MSH3: variants seen among roughly 807,000 people sequenced by gnomAD.
The protein encoded by MSH3 is mutS homolog 3.
Under a neutral mutation model 123.3 loss-of-function variants are expected in MSH3, and 106 were observed. The observed-to-expected ratio is 0.86, with a 90% CI of 0.73 to 1.01. MSH3 has a LOEUF of 1.01. Ranked by LOEUF, MSH3 falls within the 50% of genes least tolerant of loss-of-function variation. MSH3 has a pLI of 0.00. For missense variants in MSH3, 1,459 were observed against 1,347.6 expected (o/e 1.08, Z -1.29); for synonymous variants, 515 against 481.4 (o/e 1.07, Z -0.91).
Position 80,702,352 on chromosome 5 carries a change from GA to G in MSH3, c.1341-23099del, listed in dbSNP as rs141773890. 7.5e-3 allele frequency among the ~76,000 whole-genome samples: 1,147 copies of G among 152,300 alleles called. 16 individuals are homozygous for G. Among genetic ancestry groups the G allele is most frequent in the African/African-American group, 0.025 (1,044 of 41,560 alleles). On this transcript the variant is annotated intron_variant, in intron 8 of 23. Coordinates refer to ENST00000265081, the MANE Select transcript of MSH3 (RefSeq NM_002439.5). ...ACTGGGTTGTCCCCAACCTTAATGT[GA>G]AGGCAAGTTTAGAGAAGAATGCATG...
chr5:80,661,117 T>G (rs997547537), intron 2 of MSH3, among the ~76,000 whole-genome samples: 4 of 152,092 alleles, frequency 2.6e-5, no homozygotes, highest in African/African-American at 9.7e-5. Context: ...GGTTTTTAAT[T>G]TTTATTTCTT....
intron 18 of MSH3, among the ~76,000 whole-genome samples, chr5:80,788,217 C>G (rs915233123): frequency 6.6e-6 from 1 of 152,114 alleles, no homozygotes; most frequent in Non-Finnish European, 1.5e-5. Flanking sequence ...AGGCAGATCA[C>G]GAGGTTAAGG....
chr5:80,682,789 A>G (rs1363687274), intron 8 of MSH3, among the ~76,000 whole-genome samples: 2 of 152,170 alleles, frequency 1.3e-5, no homozygotes, highest in African/African-American at 4.8e-5. Context: ...GACTGTAGTC[A>G]TTCTGTTGCA....
At chr5:80,697,685 A>G (rs1476401150) in intron 8 of MSH3, among the ~76,000 whole-genome samples, 1 of 152,212 alleles carries the variant, frequency 6.6e-6, no homozygotes, top group Non-Finnish European at 1.5e-5. Flanking sequence ...TAAATCTAGT[A>G]TAAGTGGGAC....
chr5:80,696,093 C>T (rs1413026092), intron 8 of MSH3, among the ~76,000 whole-genome samples: 1 of 152,126 alleles, frequency 6.6e-6, no homozygotes, highest in Non-Finnish European at 1.5e-5. Context: ...TGGAGGAGTT[C>T]CAGCTTCCCA....
chr5:80,654,905 G>GCCGCAGCGGCCGCAGCAA lies in MSH3; in HGVS notation c.186_187insGCCGCAGCAACCGCAGCG (p.Ala62_Pro63insAlaAlaAlaThrAlaAla). On this transcript the variant is annotated inframe_insertion, in exon 1 of 24. Coordinates refer to ENST00000265081, the MANE Select transcript of MSH3 (RefSeq NM_002439.5). ...TGCAGCGGCTGCAGCGGCCGCAGCG[G>GCCGCAGCGGCCGCAGCAA]CCGCAGCGCCCCCAGCGCCCCCAGC... 3 of 1,494,090 alleles carry GCCGCAGCGGCCGCAGCAA rather than the reference G, an allele frequency of 2.0e-6. No individual in the cohort carries two copies. Among genetic ancestry groups the GCCGCAGCGGCCGCAGCAA allele is most frequent in the Middle Eastern group, 1.8e-4 (1 of 5,642 alleles). The allele number at this position is 1,494,090 out of a possible 1,614,324, so 92.6% of individuals were successfully genotyped here. A position where few individuals can be genotyped will look rare whatever the true frequency, so the allele number is the denominator to read the frequency against.
chr5:80,675,537 C>T (rs1458306752), intron 7 of MSH3, among the ~76,000 whole-genome samples: 2 of 152,138 alleles, frequency 1.3e-5, no homozygotes, highest in East Asian at 3.9e-4. Context: ...GGAAGTGCTA[C>T]ACACTTTTAA....
intron 8 of MSH3, among the ~76,000 whole-genome samples, chr5:80,680,918 T>C (rs1376635870): frequency 6.6e-6 from 1 of 152,224 alleles, no homozygotes; most frequent in African/African-American, 2.4e-5. Flanking sequence ...TAAATACTGT[T>C]ATGATGAATA....
chr5:80,823,486 C>T (rs1745236468), intron 20 of MSH3, among the ~76,000 whole-genome samples: 3 of 152,310 alleles, frequency 2.0e-5, no homozygotes, highest in Admixed American at 2.0e-4. Flanking sequence ...TTTTCCCAGA[C>T]TATAAGTAAC....
At chr5:80,692,636 A>ATATAGATGAATATATATAAACATG (rs1561445226) in intron 8 of MSH3, among the ~76,000 whole-genome samples, 11 of 139,958 alleles carry the variant, frequency 7.9e-5, no homozygotes, top group East Asian at 2.2e-4. Flanking sequence ...GTATATGTTT[A>ATATAGATGAATATATATAAACATG]TATATGTTTA....
intron 17 of MSH3, among the ~76,000 whole-genome samples, chr5:80,784,359 T>C (rs1287661824): frequency 2.6e-5 from 4 of 151,410 alleles, no homozygotes; most frequent in Non-Finnish European, 2.9e-5. Context: ...GGCAGTTAGG[T>C]CAATGCAACA....
chr5:80,691,429 T>G (rs1750243207), intron 8 of MSH3, among the ~76,000 whole-genome samples: 2 of 151,698 alleles, frequency 1.3e-5, no homozygotes, highest in Non-Finnish European at 2.9e-5. Context: ...TACTGAAAGA[T>G]ATTAAAGAAC....
chr5:80,685,890 T>G (rs1327628078), intron 8 of MSH3, among the ~76,000 whole-genome samples: 1 of 152,176 alleles, frequency 6.6e-6, no homozygotes, highest in African/African-American at 2.4e-5. Context: ...ATTTCCTTGT[T>G]GATCTCTTCA....
intron 8 of MSH3, among the ~76,000 whole-genome samples, chr5:80,696,875 G>T (rs958243398): frequency 5.3e-5 from 8 of 152,228 alleles, no homozygotes; most frequent in African/African-American, 1.9e-4. Context: ...CAATAGAATT[G>T]AATTTTGCAC....
At chr5:80,771,054 T>C (rs1452802790) in intron 15 of MSH3, among the ~76,000 whole-genome samples, 1 of 152,234 alleles carries the variant, frequency 6.6e-6, no homozygotes, top group Non-Finnish European at 1.5e-5. Flanking sequence ...TGGATTCTTG[T>C]TGGTTTTTAA....
At chr5:80,811,967 TTTTTATCATTAG>T (rs1385034571) in intron 19 of MSH3, among the ~76,000 whole-genome samples, 21 of 152,202 alleles carry the variant, frequency 1.4e-4, no homozygotes, top group African/African-American at 5.1e-4. Context: ...ATTCATTTTA[TTTTTATCATTAG>T]TTTTATCATT....
chr5:80,659,233 C>CAA (rs34613891), intron 2 of MSH3, among the ~76,000 whole-genome samples: 20 of 135,686 alleles, frequency 1.5e-4, no homozygotes, highest in East Asian at 4.5e-4. Flanking sequence ...GATTCTGTCT[C>CAA]AAAAAAAAAA....
chr5:80,669,743 T>C (rs1749662405), intron 3 of MSH3, among the ~76,000 whole-genome samples: 1 of 152,212 alleles, frequency 6.6e-6, no homozygotes, highest in Non-Finnish European at 1.5e-5. Flanking sequence ...CCATTGGCCT[T>C]TTGTGCATTA....
At chr5:80,818,402 CAAAAAA>C (rs71603566) in intron 20 of MSH3, among the ~76,000 whole-genome samples, 2 of 63,828 alleles carry the variant, frequency 3.1e-5, no homozygotes, top group Admixed American at 2.3e-4. Context: ...ATAGCAATGA[CAAAAAA>C]AAAAAAAAAA....
Sources: allele counts gnomAD v4.1 joint callset (sites outside exome capture counted in the v4.1 genomes callset), GRCh38; gene constraint gnomAD v4.1.1; transcripts MANE v1.5; gene names NCBI Gene and HGNC (gene_info 2026-07-23, HGNC 2026-07-21).